Variants in TGFBR1 observed in about 807,000 individuals in gnomAD.
TGFBR1 encodes the protein TGF-beta receptor type-1.
In TGFBR1, 20 loss-of-function variants were observed where a neutral mutation model predicts 55.1. The observed-to-expected ratio is 0.36, with a 90% CI of 0.26 to 0.53. The LOEUF is 0.53. Among genes scored for constraint, TGFBR1 ranks in the 20% least tolerant of loss-of-function variants. TGFBR1 has a pLI of 0.91. For missense variants in TGFBR1, 385 were observed against 617.6 expected, an observed-to-expected ratio of 0.62 and a Z score of 3.99; for synonymous variants, 220 against 214.8, an observed-to-expected ratio of 1.02 and a Z score of -0.21.
At chr9:99,105,005 T>A, upstream of TGFBR1, 1 of 314,762 alleles carries the variant, frequency 3.2e-6, no homozygotes. Flanking sequence ...CCCGGCTGGG[T>A]CCCGCTTGGC....
At chr9:99,133,898 G>C (rs1029251242) in intron 3 of TGFBR1, among the ~76,000 whole-genome samples, 32 of 151,902 alleles carry the variant, frequency 2.1e-4, no homozygotes, top group African/African-American at 7.7e-4. Flanking sequence ...CAGCTACTCG[G>C]GAGGCCGAGA....
chr9:99,116,317 G>C (rs1023404186), intron 1 of TGFBR1, among the ~76,000 whole-genome samples: 2 of 152,190 alleles, frequency 1.3e-5, no homozygotes, highest in East Asian at 3.9e-4. Flanking sequence ...GCATCAGGCA[G>C]AAGTCTTAAG....
intron 3 of TGFBR1, among the ~76,000 whole-genome samples, chr9:99,135,800 A>T (rs1341443475): frequency 6.6e-6 from 1 of 151,916 alleles, no homozygotes; most frequent in African/African-American, 2.4e-5. Flanking sequence ...AGCAGAGAAT[A>T]TAGAGATCTA....
intron 2 of TGFBR1, among the ~76,000 whole-genome samples, 184 bp downstream of exon 2, chr9:99,129,284 T>G (rs1423043098): frequency 1.3e-5 from 2 of 152,192 alleles, no homozygotes; most frequent in African/African-American, 4.8e-5. Flanking sequence ...TGGGTATGTG[T>G]TGTTTAAGAA....
intron 1 of TGFBR1, among the ~76,000 whole-genome samples, chr9:99,105,972 A>C (rs11568748): frequency 7.2e-5 from 11 of 152,250 alleles, no homozygotes; most frequent in Admixed American, 1.3e-4. Context: ...TTGTGTGAGA[A>C]GAAGGAAGCG....
intron 1 of TGFBR1, among the ~76,000 whole-genome samples, chr9:99,106,358 A>G (rs910921540): frequency 8.5e-5 from 13 of 152,330 alleles, no homozygotes; most frequent in African/African-American, 3.1e-4. Context: ...AAGCTAAAAT[A>G]CACAGCCTCA....
At chr9:99,127,826 A>G (rs1406633017) in intron 1 of TGFBR1, 2 of 414,648 alleles carry the variant, frequency 4.8e-6, no homozygotes, top group East Asian at 7.2e-5. Context: ...ATTTCATGTG[A>G]CCATGGTGAA....
intron 1 of TGFBR1, among the ~76,000 whole-genome samples, chr9:99,120,894 A>G (rs1588568884): frequency 6.6e-6 from 1 of 152,194 alleles, no homozygotes; most frequent in Non-Finnish European, 1.5e-5. Context: ...CCTTTGTATT[A>G]GTTACCCTGT....
intron 5 of TGFBR1, among the ~76,000 whole-genome samples, chr9:99,144,158 G>A (rs1456534219): frequency 1.3e-5 from 2 of 152,138 alleles, no homozygotes; most frequent in African/African-American, 4.8e-5. Flanking sequence ...TATATACCTA[G>A]GAGTTGAATT....
At chr9:99,136,190 G>A (rs1276020283) in intron 3 of TGFBR1, among the ~76,000 whole-genome samples, 2 of 152,142 alleles carry the variant, frequency 1.3e-5, no homozygotes, top group Non-Finnish European at 2.9e-5. Flanking sequence ...AACTATTCAT[G>A]TGAAGTAATC....
At chr9:99,119,553 G>C (rs573935368) in intron 1 of TGFBR1, among the ~76,000 whole-genome samples, 2 of 152,270 alleles carry the variant, frequency 1.3e-5, no homozygotes, top group Non-Finnish European at 2.9e-5. Flanking sequence ...TGATGTAACT[G>C]TTAGGACATT....
At chr9:99,131,222 A>AG (rs1827213381) in intron 2 of TGFBR1, among the ~76,000 whole-genome samples, 1 of 152,132 alleles carries the variant, frequency 6.6e-6, no homozygotes, top group African/African-American at 2.4e-5. Context: ...AAAAAAAAAA[A>AG]CAGGTTCAGA....
intron 3 of TGFBR1, among the ~76,000 whole-genome samples, chr9:99,137,550 C>A (rs1827475006): frequency 6.6e-6 from 1 of 152,164 alleles, no homozygotes; most frequent in Non-Finnish European, 1.5e-5. Context: ...TCATTTCCCT[C>A]TACCTTTGCC....
intron 1 of TGFBR1, among the ~76,000 whole-genome samples, chr9:99,119,894 A>G (rs1293028712): frequency 6.6e-6 from 1 of 152,212 alleles, no homozygotes; most frequent in South Asian, 2.1e-4. Context: ...GTTCTGTGTC[A>G]GTATTGCCTA....
At chr9:99,116,537 T>C (rs1237711604) in intron 1 of TGFBR1, among the ~76,000 whole-genome samples, 1 of 152,216 alleles carries the variant, frequency 6.6e-6, no homozygotes, top group African/African-American at 2.4e-5. Flanking sequence ...TAGAGACTAG[T>C]GATTATTGAC....
At chr9:99,146,109 G>T (rs1827787799) in intron 6 of TGFBR1, 1 of 300,420 alleles carries the variant, frequency 3.3e-6, no homozygotes, top group Non-Finnish European at 6.4e-6. Flanking sequence ...TTTTTCCCTG[G>T]AGTATATTCG....
At chr9:99,118,200 A>T (rs1318913904) in intron 1 of TGFBR1, among the ~76,000 whole-genome samples, 1 of 152,096 alleles carries the variant, frequency 6.6e-6, no homozygotes, top group Non-Finnish European at 1.5e-5. Flanking sequence ...ACCTTGCTAG[A>T]TTGACTAATT....
intron 2 of TGFBR1, among the ~76,000 whole-genome samples, chr9:99,130,985 C>T (rs1346710452): frequency 6.6e-6 from 1 of 152,044 alleles, no homozygotes; most frequent in Non-Finnish European, 1.5e-5. Context: ...AGAGAAAAGA[C>T]AGTTGGTGAG....
chr9:99,111,424 C>G (rs1315313591), intron 1 of TGFBR1, among the ~76,000 whole-genome samples: 2 of 146,678 alleles, frequency 1.4e-5, no homozygotes, highest in East Asian at 4.1e-4. Context: ...GTCAGGAGTT[C>G]GAGACCAGCC....
Sources: allele counts gnomAD v4.1 joint callset (sites outside exome capture counted in the v4.1 genomes callset), GRCh38; gene constraint gnomAD v4.1.1; transcripts MANE v1.5; gene names NCBI Gene and HGNC (gene_info 2026-07-23, HGNC 2026-07-21).